LINGO2: variants seen among roughly 807,000 people sequenced by gnomAD.
The protein encoded by LINGO2 is leucine rich repeat and Ig domain containing 2.
Under a neutral mutation model 30.6 loss-of-function variants are expected in LINGO2, and 14 were observed. The observed-to-expected ratio is 0.46, with a 90% CI of 0.30 to 0.72. The LOEUF (loss-of-function observed/expected upper bound fraction) is 0.72, where lower values mean the gene tolerates loss of function less well. LINGO2 is among the 30% of genes least tolerant of loss of function. The pLI is 0.07. For synonymous variants in LINGO2, 317 were observed against 288.5 expected (o/e 1.10, Z -1.00); for missense variants, 729 against 751.7 (o/e 0.97, Z 0.35).
At chr9:28,939,025 C>A in the LINGO2 span, among the ~76,000 whole-genome samples, 2 of 152,224 alleles carry the variant, frequency 1.3e-5, no homozygotes, top group East Asian at 1.9e-4. Context: ...ACTTTACTTT[C>A]TTTTATTACT....
In LINGO2 at chr9:28,526,055, C is replaced by CAAAAAAAAAAAAAAAAAAA. The variant is rs58629857; in HGVS notation, c.-364-50049_-364-50031dup. Reference sequence around the variant, plus strand: ...TGGGTGACAGAGCGAGACTCCGTCTCAAAAAAAAAAAAAAAAAAAAAGCCA... The same window carrying CAAAAAAAAAAAAAAAAAAA: ...TGGGTGACAGAGCGAGACTCCGTCTCAAAAAAAAAAAAAAAAAAAAAAAAAAAAAAAAAAAAAAAAGCCA... On this transcript the variant is annotated intron_variant, in intron 1 of 5. Coordinates refer to ENST00000379992, the Ensembl canonical transcript of LINGO2. Among the ~76,000 whole-genome samples, 40 of 48,500 alleles carry CAAAAAAAAAAAAAAAAAAA rather than the reference C, an allele frequency of 8.2e-4. 4 individuals are homozygous for CAAAAAAAAAAAAAAAAAAA. The highest frequency in any genetic ancestry group is 1.0e-3 in the Non-Finnish European group (28 of 27,260). The allele number at this position is 48,500 out of a possible 152,430, so 31.8% of individuals were successfully genotyped here.
At chr9:29,046,863 G>A in the LINGO2 span, among the ~76,000 whole-genome samples, 1 of 151,940 alleles carries the variant, frequency 6.6e-6, no homozygotes, top group Non-Finnish European at 1.5e-5. Flanking sequence ...CAGATCACTC[G>A]AGGTCAGGAG....
At chr9:28,174,561 C>G (rs1587139598) in intron 4 of LINGO2, among the ~76,000 whole-genome samples, 1 of 152,182 alleles carries the variant, frequency 6.6e-6, no homozygotes, top group South Asian at 2.1e-4. Context: ...TAATTCTTGC[C>G]TAACCATCAC....
At chr9:29,139,930 G>A in the LINGO2 span, among the ~76,000 whole-genome samples, 1 of 151,912 alleles carries the variant, frequency 6.6e-6, no homozygotes, top group East Asian at 1.9e-4. Context: ...CAGAGCCATA[G>A]ACAGACAGCA....
At position 28,431,798 on chromosome 9, in the gene LINGO2, T is replaced by C. The variant is rs371330063; in HGVS notation, c.-279+44142A>G. Among the ~76,000 whole-genome samples the C allele has an allele frequency of 6.6e-5, 10 of 152,174 alleles. No homozygotes were observed. The East Asian group carries it at 1.9e-3, about 29-fold the overall frequency. ...ATCTTAAATGGGCTATTTTAAATGT[T>C]TTATCCAAAGTGAATTCCAATTTAG... On this transcript the variant is annotated intron_variant, in intron 2 of 5. Coordinates refer to ENST00000379992, the Ensembl canonical transcript of LINGO2.
the LINGO2 span, among the ~76,000 whole-genome samples, chr9:28,885,378 T>C: frequency 4.6e-4 from 14 of 30,212 alleles, no homozygotes; most frequent in African/African-American, 8.0e-4. Context: ...CACACACATA[T>C]ATATATACAC....
the LINGO2 span, among the ~76,000 whole-genome samples, chr9:29,154,343 G>A: frequency 1.8e-4 from 27 of 151,858 alleles, no homozygotes; most frequent in South Asian, 2.5e-3. Flanking sequence ...CCAGCTACTC[G>A]GGAGGCTGAG....
At chr9:28,513,420 AT>A (rs1474885608) in intron 1 of LINGO2, among the ~76,000 whole-genome samples, 1 of 152,152 alleles carries the variant, frequency 6.6e-6, no homozygotes. Flanking sequence ...ACAGGATATA[AT>A]TTTTTAGGGT....
At chr9:28,862,955 C>T in the LINGO2 span, among the ~76,000 whole-genome samples, 2 of 151,996 alleles carry the variant, frequency 1.3e-5, no homozygotes, top group Admixed American at 1.3e-4. Flanking sequence ...TACTAGTCAA[C>T]AATTAGGCTT....
chr9:28,008,026 A>G lies in LINGO2; in HGVS notation c.-36+4329T>C, dbSNP rs115266259. Among the ~76,000 whole-genome samples, 832 of 152,220 alleles carry G rather than the reference A, an allele frequency of 5.5e-3. 9 individuals carry two copies. The highest frequency in any genetic ancestry group is 0.018 in the African/African-American group (745 of 41,540). ...ATGACCAGCGCATGTTTACTGAATGACCACTTTTTGTTGAAATCAGGGGCT... is the reference window on the plus strand; with the variant it reads ...ATGACCAGCGCATGTTTACTGAATGGCCACTTTTTGTTGAAATCAGGGGCT... On this transcript the variant is annotated intron_variant, in intron 5 of 5. Transcript: ENST00000379992.
At chr9:28,506,479 C>CAGACATATATAT (rs1260518228) in intron 1 of LINGO2, among the ~76,000 whole-genome samples, 7 of 11,362 alleles carry the variant, frequency 6.2e-4, no homozygotes, top group Admixed American at 1.1e-3. Flanking sequence ...CACACACACA[C>CAGACATATATAT]ATACACATAC....
chr9:28,702,503 T>C, the LINGO2 span, among the ~76,000 whole-genome samples: 1 of 151,906 alleles, frequency 6.6e-6, no homozygotes, highest in Admixed American at 6.6e-5. Flanking sequence ...TTCTGTTGTA[T>C]AATTCTTTTT....
the LINGO2 span, among the ~76,000 whole-genome samples, chr9:28,949,497 G>T: frequency 6.6e-6 from 1 of 151,954 alleles, no homozygotes; most frequent in Admixed American, 6.6e-5. Flanking sequence ...CACAAATAAA[G>T]TAGAAAATCT....
intron 4 of LINGO2, among the ~76,000 whole-genome samples, chr9:28,282,172 A>C (rs966742470): frequency 1.3e-5 from 2 of 152,178 alleles, no homozygotes; most frequent in African/African-American, 4.8e-5. Context: ...AGTTTAAAAT[A>C]GTCAAGTTAT....
chr9:28,547,733 G>C (rs1432742176), intron 1 of LINGO2, among the ~76,000 whole-genome samples: 1 of 152,092 alleles, frequency 6.6e-6, no homozygotes, highest in Non-Finnish European at 1.5e-5. Context: ...AAAAAGGAAA[G>C]GAGTAGGAAA....
chr9:28,395,441 G>A (rs775085365), intron 2 of LINGO2, among the ~76,000 whole-genome samples: 3 of 152,094 alleles, frequency 2.0e-5, no homozygotes, highest in African/African-American at 2.4e-5. Flanking sequence ...TTGCCAAGAA[G>A]ATGGATATTG....
intron 1 of LINGO2, among the ~76,000 whole-genome samples, chr9:28,597,544 A>G (rs1427746396): frequency 1.3e-5 from 2 of 152,286 alleles, no homozygotes; most frequent in East Asian, 3.9e-4. Context: ...CAGTATTTTA[A>G]AAGTACAAAG....
chr9:28,556,773 A>G (rs1822724883), intron 1 of LINGO2, among the ~76,000 whole-genome samples: 1 of 152,084 alleles, frequency 6.6e-6, no homozygotes, highest in Non-Finnish European at 1.5e-5. Context: ...TAACCAAAAC[A>G]GCATGGTACT....
the LINGO2 span, among the ~76,000 whole-genome samples, chr9:29,037,014 T>C: frequency 1.4e-4 from 21 of 152,086 alleles, no homozygotes; most frequent in South Asian, 1.4e-3. Flanking sequence ...AATCTATGTA[T>C]GTCAGGTAAT....
Sources: allele counts gnomAD v4.1 joint callset (sites outside exome capture counted in the v4.1 genomes callset), GRCh38; gene constraint gnomAD v4.1.1; transcripts MANE v1.5; gene names NCBI Gene and HGNC (gene_info 2026-07-23, HGNC 2026-07-21).